Variants in WNK1 observed in about 807,000 individuals in gnomAD.
WNK1 encodes serine/threonine-protein kinase WNK1.
Under a neutral mutation model 222.8 loss-of-function variants are expected in WNK1, and 38 were observed. The observed-to-expected ratio is 0.17, with a 90% CI of 0.13 to 0.22. The LOEUF is 0.22. WNK1 is among the 10% of genes least tolerant of loss of function. The pLI is 1.00. For synonymous variants in WNK1, 1,090 were observed against 1,092.9 expected (o/e 1.00, Z 0.05); for missense variants, 2,348 against 2,918.4 (o/e 0.80, Z 4.50).
chr12:845,666 G>A lies in WNK1; in HGVS notation c.1312-11495G>A, dbSNP rs11064566. 9.1e-3 allele frequency among the ~76,000 whole-genome samples: 1,378 copies of A among 152,244 alleles called. 17 individuals are homozygous for A. Among genetic ancestry groups the A allele is most frequent in the African/African-American group, 0.031 (1,272 of 41,550 alleles). On this transcript the variant is annotated intron_variant, in intron 4 of 27. Transcript: ENST00000315939. ...TATTTGTGAAGATTAAATGAGAAAG[G>A]CAAAGTGCCTGGCATACAGTTATCA...
At chr12:852,309 T>G (rs1950477377) in intron 4 of WNK1, among the ~76,000 whole-genome samples, 1 of 152,182 alleles carries the variant, frequency 6.6e-6, no homozygotes. Flanking sequence ...ATTATAGAGT[T>G]ACAGTTGTTC....
chr12:908,963 T>TCC lies in WNK1; in HGVS notation c.*175_*176dup. Reference sequence around the variant, plus strand: ...CATTGAGCCCTCAGAATGGAGAGTCTCCCCCGCTCCAGTTATTGGAATGGG... The same window carrying TCC: ...CATTGAGCCCTCAGAATGGAGAGTCTCCCCCCCGCTCCAGTTATTGGAATGGG... On this transcript the variant is annotated 3_prime_UTR_variant, in exon 28 of 28. Coordinates refer to ENST00000315939, the MANE Select transcript of WNK1 (RefSeq NM_018979.4). 4.0e-6 allele frequency: 3 copies of TCC among 743,536 alleles called. No individual in the cohort carries two copies. The highest frequency in any genetic ancestry group is 6.5e-6 in the Non-Finnish European group (3 of 458,558). 46.1% of individuals were successfully genotyped at this position (743,536 alleles called of 1,614,324 possible). A position where few individuals can be genotyped will look rare whatever the true frequency, so the allele number is the denominator to read the frequency against.
intron 1 of WNK1, among the ~76,000 whole-genome samples, chr12:807,736 T>C (rs922615046): frequency 2.0e-5 from 2 of 102,036 alleles, no homozygotes; most frequent in Admixed American, 1.2e-4. Context: ...TTTTTTTTTT[T>C]TGAGACGGAA....
Position 759,491 on chromosome 12 carries a change from C to T in WNK1, c.759+5167C>T, listed in dbSNP as rs143312117. ...GATTACAGGCGAGCGCCACCACGCC[C>T]GGCTAATTTTTGTATTTTTAGTAGA... On this transcript the variant is annotated intron_variant, in intron 1 of 27. Coordinates refer to ENST00000315939, the MANE Select transcript of WNK1 (RefSeq NM_018979.4). 1.5e-4 allele frequency among the ~76,000 whole-genome samples: 22 copies of T among 146,888 alleles called. 3 individuals are homozygous for T. In the South Asian group the frequency reaches 1.8e-3, roughly 12 times the overall value.
chr12:879,513 C>CTTTTTTTTTTTTTTTTTTTTTTTTTTCTT, intron 10 of WNK1, 60 bp from the exon 11 acceptor site: 7 of 403,026 alleles, frequency 1.7e-5, no homozygotes, highest in Admixed American at 1.2e-4. Context: ...GGCAGCCTTG[C>CTTTTTTTTTTTTTTTTTTTTTTTTTTCTT]TTTTTTTTTT....
chr12:753,676 G>T lies in WNK1; in HGVS notation c.111G>T (p.Glu37Asp), dbSNP rs1290904969. 6.2e-7 allele frequency: 1 copy of T among 1,612,360 alleles called. No homozygotes were observed. Among genetic ancestry groups the T allele is most frequent in the South Asian group, 1.1e-5 (1 of 91,076 alleles). Residue 37 changes from glutamate (E) to aspartate (D), a missense_variant, in exon 1 of 28, where the codon GAG (glutamate) becomes GAT (aspartate). Transcript: ENST00000315939. This position sits in a 1 kb window ranked among gnomAD's most constrained non-coding sequence, Gnocchi z 5.2. ...CCAGCTCCGATTCCTCCGTGGGGGA[G>T]AAACTGGGAGCCGCGGCCGCCGACG... is the stretch of plus-strand genomic sequence containing the variant. ...NGSSSDSSVG[E>D]KLGAAAADAV...
intron 1 of WNK1, among the ~76,000 whole-genome samples, chr12:801,223 C>T (rs949422836): frequency 2.6e-5 from 4 of 151,988 alleles, no homozygotes; most frequent in African/African-American, 9.7e-5. Flanking sequence ...AATTGTAAGC[C>T]CCTGCAGACT....
chr12:909,581 T>A lies in WNK1; in HGVS notation c.*789T>A, dbSNP rs900865521. ...CTGTCCTTTACTTATTGAGACACTTTAACTTTTTCCTTTGTATTTCCATTG... is the reference window on the plus strand; with the variant it reads ...CTGTCCTTTACTTATTGAGACACTTAAACTTTTTCCTTTGTATTTCCATTG... On this transcript the variant is annotated 3_prime_UTR_variant, in exon 28 of 28. Transcript: ENST00000315939. 2 of 152,224 alleles carry A rather than the reference T, an allele frequency of 1.3e-5. No individual in the cohort carries two copies. Among genetic ancestry groups the A allele is most frequent in the Admixed American group, 6.5e-5 (1 of 15,288 alleles). 9.4% of individuals were successfully genotyped at this position (152,224 alleles called of 1,614,324 possible).
intron 1 of WNK1, among the ~76,000 whole-genome samples, chr12:794,149 T>C (rs975987539): frequency 6.6e-6 from 1 of 152,240 alleles, no homozygotes; most frequent in Admixed American, 6.5e-5. Context: ...CCATTGTGTT[T>C]ATTCATCAGT....
chr12:761,297 C>T (rs1023381647), intron 1 of WNK1, among the ~76,000 whole-genome samples: 2 of 148,030 alleles, frequency 1.4e-5, no homozygotes, highest in East Asian at 3.9e-4. Context: ...ATATTAAATA[C>T]ATTATGCTAA....
intron 4 of WNK1, among the ~76,000 whole-genome samples, chr12:845,461 A>G (rs1949964822): frequency 6.6e-6 from 1 of 152,136 alleles, no homozygotes; most frequent in African/African-American, 2.4e-5. Flanking sequence ...CCCCTTCTGT[A>G]GATTTAGTAC....
chr12:866,809 C>T (rs1452853644), intron 8 of WNK1, among the ~76,000 whole-genome samples: 1 of 152,046 alleles, frequency 6.6e-6, no homozygotes, highest in Non-Finnish European at 1.5e-5. Context: ...GATTAGAACA[C>T]CAGGATGTCA....
intron 24 of WNK1, 129 bp from the exon 25 acceptor site, chr12:897,350 G>A: frequency 1.4e-6 from 1 of 726,826 alleles, no homozygotes; most frequent in Non-Finnish European, 2.5e-6. Context: ...TCTCGTGGTA[G>A]TACATTTGGG....
chr12:857,651 G>T (rs1171897588), intron 5 of WNK1, among the ~76,000 whole-genome samples: 1 of 152,196 alleles, frequency 6.6e-6, no homozygotes, highest in Non-Finnish European at 1.5e-5. Context: ...GCTATTACAG[G>T]TCTGATTTGC....
chr12:894,584 T>C lies in WNK1; in HGVS notation c.5532T>C (p.Pro1844=). 6.2e-7 allele frequency: 1 copy of C among 1,614,016 alleles called. No homozygotes were observed. Among genetic ancestry groups the C allele is most frequent in the Non-Finnish European group, 8.5e-7 (1 of 1,179,920 alleles). Residue 1844 remains proline (P), a synonymous_variant, in exon 23 of 28, where the codon CCT becomes CCC. Coordinates refer to ENST00000315939, the MANE Select transcript of WNK1 (RefSeq NM_018979.4). ...QKGVSQVKEG[P]VLATSSGAGV... is the part of the protein sequence containing the mutation. ...CAGTTTCTCAAGTCAAAGAAGGCCC[T>C]GTCCTAGCAACTAGTTCAGGAGCTG...
At chr12:831,925 G>A (rs1478180104) in intron 4 of WNK1, among the ~76,000 whole-genome samples, 2 of 151,704 alleles carry the variant, frequency 1.3e-5, no homozygotes, top group Non-Finnish European at 2.9e-5. Context: ...TGCTGTATAT[G>A]TTATATTGCA....
At chr12:776,938 A>T (rs1037577099) in intron 1 of WNK1, among the ~76,000 whole-genome samples, 5 of 152,226 alleles carry the variant, frequency 3.3e-5, no homozygotes, top group African/African-American at 1.2e-4. Context: ...ACAAAGACTT[A>T]TTCACACAGA....
chr12:846,058 TA>T (rs1306437441), intron 4 of WNK1, among the ~76,000 whole-genome samples: 5 of 152,350 alleles, frequency 3.3e-5, no homozygotes, highest in African/African-American at 1.2e-4. Context: ...GTTAACATGA[TA>T]CTAATACAAA....
At chr12:772,099 T>A (rs1400220762) in intron 1 of WNK1, among the ~76,000 whole-genome samples, 1 of 151,954 alleles carries the variant, frequency 6.6e-6, no homozygotes, top group Non-Finnish European at 1.5e-5. Flanking sequence ...CCTTAATTCA[T>A]ACACAAAAAA....
Sources: allele counts gnomAD v4.1 joint callset (sites outside exome capture counted in the v4.1 genomes callset), GRCh38; gene constraint gnomAD v4.1.1; non-coding constraint Gnocchi (gnomAD v3.1); transcripts MANE v1.5; gene names NCBI Gene and HGNC (gene_info 2026-07-23, HGNC 2026-07-21).